LRFN5: variants seen among roughly 807,000 people sequenced by gnomAD.
The protein encoded by LRFN5 is leucine rich repeat and fibronectin type III domain containing 5.
Under a neutral mutation model 45.6 loss-of-function variants are expected in LRFN5, and 24 were observed. The ratio of observed to expected loss-of-function variants is 0.53; its 90% CI spans 0.38 to 0.74. LRFN5 has a LOEUF of 0.74. LRFN5 is among the 30% of genes least tolerant of loss of function. LRFN5 has a pLI of 0.00. For synonymous variants in LRFN5, 340 were observed against 313.8 expected (o/e 1.08, Z -0.88); for missense variants, 776 against 861.5 (o/e 0.90, Z 1.24).
chr14:41,683,604 T>A (rs1415116184), intron 1 of LRFN5, among the ~76,000 whole-genome samples: 3 of 152,040 alleles, frequency 2.0e-5, no homozygotes, highest in African/African-American at 7.3e-5. Context: ...CAATAAAGTT[T>A]CAGGATACAA....
intron 1 of LRFN5, among the ~76,000 whole-genome samples, chr14:41,730,496 A>G (rs1389178410): frequency 6.6e-6 from 1 of 152,028 alleles, no homozygotes; most frequent in Non-Finnish European, 1.5e-5. Context: ...AATGTGATTT[A>G]CAAACCATTC....
intron 1 of LRFN5, among the ~76,000 whole-genome samples, chr14:41,698,051 A>G (rs1276490728): frequency 1.3e-5 from 2 of 151,962 alleles, no homozygotes; most frequent in South Asian, 2.1e-4. Flanking sequence ...AATCCTGCAC[A>G]TGAAGGGGAT....
intron 1 of LRFN5, among the ~76,000 whole-genome samples, chr14:41,661,319 C>A (rs998979324): frequency 6.6e-6 from 1 of 151,994 alleles, no homozygotes; most frequent in South Asian, 2.1e-4. Flanking sequence ...TCAAATTTTG[C>A]TCTTCATAAG....
At chr14:41,729,572 T>C (rs1464220835) in intron 1 of LRFN5, among the ~76,000 whole-genome samples, 1 of 152,150 alleles carries the variant, frequency 6.6e-6, no homozygotes, top group African/African-American at 2.4e-5. Context: ...TCATAAACAA[T>C]CGTTTCCTAT....
At chr14:41,814,767 T>C (rs1211224358) in intron 2 of LRFN5, among the ~76,000 whole-genome samples, 1 of 151,128 alleles carries the variant, frequency 6.6e-6, no homozygotes, top group East Asian at 1.9e-4. Flanking sequence ...TGGGTATATG[T>C]TAGACAAATG....
At chr14:41,888,077 C>T in intron 3 of LRFN5, 67 bp downstream of exon 3, 1 of 1,284,242 alleles carries the variant, frequency 7.8e-7, no homozygotes, top group Non-Finnish European at 1.1e-6. Context: ...TAATGTACTA[C>T]TGATTTTTTT....
intron 2 of LRFN5, among the ~76,000 whole-genome samples, chr14:41,876,175 G>A (rs1021561702): frequency 4.6e-5 from 7 of 151,376 alleles, no homozygotes; most frequent in Non-Finnish European, 7.4e-5. Flanking sequence ...AGAAGAATGC[G>A]TAATATAATT....
intron 2 of LRFN5, among the ~76,000 whole-genome samples, chr14:41,857,890 A>C (rs72670408): frequency 6.6e-6 from 1 of 151,866 alleles, no homozygotes; most frequent in Non-Finnish European, 1.5e-5. Flanking sequence ...GAAAAGAGAT[A>C]GTTCCATTGG....
chr14:41,635,345 G>T (rs190354211), intron 1 of LRFN5, among the ~76,000 whole-genome samples: 1 of 152,152 alleles, frequency 6.6e-6, no homozygotes, highest in South Asian at 2.1e-4. Flanking sequence ...GTATTCACAG[G>T]CCTCTGTGTT....
intron 2 of LRFN5, among the ~76,000 whole-genome samples, chr14:41,851,028 A>G (rs999667096): frequency 7.2e-5 from 11 of 151,814 alleles, no homozygotes; most frequent in Non-Finnish European, 1.5e-5. Flanking sequence ...AAATGTGTGT[A>G]ACATAGTATC....
intron 1 of LRFN5, among the ~76,000 whole-genome samples, chr14:41,628,368 T>A (rs1303948673): frequency 6.6e-6 from 1 of 152,152 alleles, no homozygotes; most frequent in Non-Finnish European, 1.5e-5. Flanking sequence ...TATTTATTGC[T>A]AAACGTCTTC....
At chr14:41,694,545 A>G (rs934744305) in intron 1 of LRFN5, among the ~76,000 whole-genome samples, 4 of 151,918 alleles carry the variant, frequency 2.6e-5, no homozygotes, top group African/African-American at 7.2e-5. Context: ...ACTGAGTGAT[A>G]TTCTTTTCTG....
chr14:41,814,823 C>T (rs1887861257), intron 2 of LRFN5, among the ~76,000 whole-genome samples: 1 of 152,024 alleles, frequency 6.6e-6, no homozygotes, highest in Non-Finnish European at 1.5e-5. Flanking sequence ...GGTGGTGAAT[C>T]TAATAGTTGG....
chr14:41,705,337 T>C (rs1325793882), intron 1 of LRFN5, among the ~76,000 whole-genome samples: 1 of 152,192 alleles, frequency 6.6e-6, no homozygotes, highest in East Asian at 1.9e-4. Context: ...TTGTTCTAGA[T>C]TGTGAAAATT....
chr14:41,811,108 A>G (rs1887721116), intron 2 of LRFN5, among the ~76,000 whole-genome samples: 1 of 152,128 alleles, frequency 6.6e-6, no homozygotes, highest in African/African-American at 2.4e-5. Flanking sequence ...AAAGGTGCAA[A>G]TAATCTGAAC....
chr14:41,703,326 C>T (rs1406970056), intron 1 of LRFN5, among the ~76,000 whole-genome samples: 1 of 151,634 alleles, frequency 6.6e-6, no homozygotes, highest in Non-Finnish European at 1.5e-5. Context: ...GCTTTTTTTT[C>T]TTGGAAGAGA....
At chr14:41,818,447 T>C (rs371279525) in intron 2 of LRFN5, among the ~76,000 whole-genome samples, 1 of 152,028 alleles carries the variant, frequency 6.6e-6, no homozygotes. Flanking sequence ...TTATGTTTAA[T>C]AACTAAATAT....
At chr14:41,679,788 G>A (rs533266986) in intron 1 of LRFN5, among the ~76,000 whole-genome samples, 19 of 152,152 alleles carry the variant, frequency 1.2e-4, no homozygotes, top group Non-Finnish European at 2.2e-4. Context: ...CACCAATGGA[G>A]TAGAGAATCA....
intron 1 of LRFN5, among the ~76,000 whole-genome samples, chr14:41,746,379 A>G (rs866441589): frequency 3.3e-5 from 5 of 151,998 alleles, no homozygotes; most frequent in African/African-American, 9.7e-5. Context: ...GACAAAAAAT[A>G]CAGAAATATC....
Sources: gnomAD v4.1 joint callset for allele counts (sites outside exome capture counted in the v4.1 genomes callset) on GRCh38, gnomAD v4.1.1 for gene constraint, MANE v1.5 for transcripts, NCBI Gene and HGNC (gene_info 2026-07-23, HGNC 2026-07-21) for gene names.